Variants in PDE3B observed in about 807,000 individuals in gnomAD.
The protein encoded by PDE3B is cGMP-inhibited 3',5'-cyclic phosphodiesterase 3B.
In PDE3B, 66 loss-of-function variants were observed where a neutral mutation model predicts 116.8. The ratio of observed to expected loss-of-function variants is 0.56; its 90% CI spans 0.46 to 0.69. The LOEUF is 0.69. Among genes scored for constraint, PDE3B ranks in the 30% least tolerant of loss-of-function variants. PDE3B has a pLI of 0.00. For missense variants in PDE3B, 1,384 were observed against 1,368.1 expected (o/e 1.01, Z -0.18); for synonymous variants, 595 against 533.6 (o/e 1.12, Z -1.59).
chr11:14,667,026 A>G (rs1184445061), intron 1 of PDE3B, among the ~76,000 whole-genome samples: 1 of 152,202 alleles, frequency 6.6e-6, no homozygotes, highest in African/African-American at 2.4e-5. Flanking sequence ...AAAGACTTGG[A>G]ACCAACCCAA....
chr11:14,644,853 G>C lies in PDE3B; in HGVS notation c.778G>C (p.Ala260Pro), dbSNP rs1380239494. The change falls in exon 1 of 16, where the codon GCC (alanine) becomes CCC (proline). Residue 260 changes from alanine to proline, a missense_variant. By Grantham distance (27) the Ala-to-Pro change is conservative. This residue lies in a region of PDE3B where 956 missense variants were observed against 806.8 expected (regional missense o/e 1.18). Transcript: ENST00000282096. ...GLVGGAGCLL[A>P]LGLDHFFQIR... is the part of the protein sequence containing the mutation. ...GGTGGGGGGCGCTGGCTGCCTGCTGGCCCTGGGGTTGGATCACTTCTTTCA... is the reference window on the plus strand; with the variant it reads ...GGTGGGGGGCGCTGGCTGCCTGCTGCCCCTGGGGTTGGATCACTTCTTTCA... 1 of 1,613,148 alleles carries C rather than the reference G, an allele frequency of 6.2e-7. No individual in the cohort carries two copies.
chr11:14,871,740 C>G lies in PDE3B; in HGVS notation c.*2080C>G, dbSNP rs1242745016. The G allele has an allele frequency of 6.6e-6, 1 of 152,092 alleles. No individual in the cohort carries two copies. The highest frequency in any genetic ancestry group is 6.5e-5 in the Admixed American group (1 of 15,270). 9.4% of individuals were successfully genotyped at this position (152,092 alleles called of 1,614,324 possible). ...AAGTAATTGACATATGTAACAATAACTAGCCTAAAGAAACCCAAAAAAGTA... is the reference window on the plus strand; with the variant it reads ...AAGTAATTGACATATGTAACAATAAGTAGCCTAAAGAAACCCAAAAAAGTA... On this transcript the variant is annotated 3_prime_UTR_variant, in exon 16 of 16. Coordinates refer to ENST00000282096, the MANE Select transcript of PDE3B (RefSeq NM_000922.4).
At chr11:14,673,680 T>A in intron 1 of PDE3B, 1 of 727,580 alleles carries the variant, frequency 1.4e-6, no homozygotes, top group South Asian at 1.4e-5. Context: ...CAGGAAATCA[T>A]GAAGATAATT....
the PDE3B span, among the ~76,000 whole-genome samples, chr11:14,895,835 C>T: frequency 3.3e-5 from 5 of 152,150 alleles, no homozygotes; most frequent in Admixed American, 3.3e-4. Flanking sequence ...GTTCTAAAAA[C>T]GCTTATACAT....
chr11:14,774,114 A>G (rs1857719748), intron 2 of PDE3B: 1 of 152,122 alleles, frequency 6.6e-6, no homozygotes, highest in Admixed American at 6.6e-5. Context: ...ATTTCTTTTA[A>G]TCTTTTCTCT....
chr11:14,731,614 A>C (rs147091487), intron 1 of PDE3B, among the ~76,000 whole-genome samples: 105 of 152,198 alleles, frequency 6.9e-4, no homozygotes, highest in Non-Finnish European at 7.4e-4. Context: ...TGTCATTTTT[A>C]CAGATGTGGG....
rs537863746 is a variant in PDE3B at position 14,648,307 on chromosome 11, G to A, written c.978+3254G>A. ...GGTTAGGTAAATATTTAAAAATTCC[G>A]TGGCCCTAATGCCCATAAATATTAC... On this transcript the variant is annotated intron_variant, in intron 1 of 15. Transcript: ENST00000282096. Among the ~76,000 whole-genome samples the A allele has an allele frequency of 5.3e-5, 8 of 151,986 alleles. No individual in the cohort carries two copies. In the East Asian group the frequency reaches 1.5e-3, roughly 29 times the overall value.
chr11:14,740,105 G>T (rs998217405), intron 1 of PDE3B, among the ~76,000 whole-genome samples: 1 of 152,144 alleles, frequency 6.6e-6, no homozygotes, highest in Admixed American at 6.5e-5. Flanking sequence ...TCTGGATGAT[G>T]CTAAACTCAT....
chr11:14,739,726 A>G (rs1856708669), intron 1 of PDE3B, among the ~76,000 whole-genome samples: 1 of 152,136 alleles, frequency 6.6e-6, no homozygotes, highest in African/African-American at 2.4e-5. Flanking sequence ...TCAGTATGAT[A>G]TTGGCTCTGG....
chr11:14,801,429 C>T (rs1858760807), intron 4 of PDE3B, among the ~76,000 whole-genome samples: 2 of 152,204 alleles, frequency 1.3e-5, no homozygotes, highest in African/African-American at 4.8e-5. Flanking sequence ...GAGGTCCACT[C>T]CAGACCCTGT....
At chr11:14,673,520 A>G (rs1854436763) in intron 1 of PDE3B, 1 of 392,516 alleles carries the variant, frequency 2.5e-6, no homozygotes, top group Non-Finnish European at 5.1e-6. Context: ...TTTGTACAAG[A>G]GATAGACTAA....
intron 1 of PDE3B, among the ~76,000 whole-genome samples, chr11:14,737,278 C>G (rs931761754): frequency 6.6e-6 from 1 of 151,268 alleles, no homozygotes; most frequent in African/African-American, 2.4e-5. Flanking sequence ...ACTGCAATCT[C>G]GGCCTCCCGG....
the PDE3B span, among the ~76,000 whole-genome samples, chr11:14,884,960 G>A: frequency 6.6e-6 from 1 of 151,642 alleles, no homozygotes; most frequent in Non-Finnish European, 1.5e-5. Flanking sequence ...TTATACTCTG[G>A]CCTGAGAATT....
rs754704823 is a variant in PDE3B at position 14,644,105 on chromosome 11, C to T, written c.30C>T (p.Ala10=). ...GGAGGGACGAGCGAGACGCCAAAGC[C>T]ATGCGGTCCCTGCAGCCGCCGGATG... MRRDERDAK[A]MRSLQPPDGA... Residue 10 remains alanine (A), a synonymous_variant, in exon 1 of 16, where the codon GCC becomes GCT. Coordinates refer to ENST00000282096, the MANE Select transcript of PDE3B (RefSeq NM_000922.4). The T allele has an allele frequency of 6.4e-7, 1 of 1,572,350 alleles. No homozygotes were observed. Among genetic ancestry groups the T allele is most frequent in the African/African-American group, 1.4e-5 (1 of 73,050 alleles).
intron 1 of PDE3B, among the ~76,000 whole-genome samples, chr11:14,662,227 A>G (rs1049821169): frequency 9.2e-5 from 14 of 152,362 alleles, no homozygotes; most frequent in Admixed American, 5.2e-4. Context: ...GCAAACTCCA[A>G]CAGACCTGCA....
chr11:14,716,163 G>C (rs1223240306), intron 1 of PDE3B, among the ~76,000 whole-genome samples: 2 of 152,202 alleles, frequency 1.3e-5, no homozygotes, highest in African/African-American at 4.8e-5. Context: ...GGTGACGGAC[G>C]CACCTGGAAA....
intron 1 of PDE3B, among the ~76,000 whole-genome samples, chr11:14,742,103 T>C (rs555489726): frequency 6.6e-6 from 1 of 151,726 alleles, no homozygotes; most frequent in Non-Finnish European, 1.5e-5. Context: ...CTTTGTGGTG[T>C]TCTCTGTATT....
At chr11:14,674,300 CT>C in intron 1 of PDE3B, 1 of 1,018,994 alleles carries the variant, frequency 9.8e-7, no homozygotes, top group Admixed American at 1.8e-5. Context: ...GTCTTCCCCT[CT>C]GCATACTGCT....
At chr11:14,687,869 C>T (rs1854920799) in intron 1 of PDE3B, among the ~76,000 whole-genome samples, 1 of 151,984 alleles carries the variant, frequency 6.6e-6, no homozygotes, top group Admixed American at 6.5e-5. Context: ...AATTGGAACT[C>T]CTATTAGGAA....
Sources: gnomAD v4.1 joint callset for allele counts (sites outside exome capture counted in the v4.1 genomes callset) on GRCh38, gnomAD v4.1.1 for gene constraint, gnomAD v4.1.1 regional missense constraint, MANE v1.5 for transcripts, NCBI Gene and HGNC (gene_info 2026-07-23, HGNC 2026-07-21) for gene names.